The following ZNF99 variants were observed in gnomAD, a reference collection of about 807,000 sequenced individuals.
The protein encoded by ZNF99 is zinc finger protein ENSP00000375192.
In ZNF99, 8 loss-of-function variants were observed where a neutral mutation model predicts 12.8. The observed-to-expected ratio is 0.62, with a 90% CI of 0.37 to 1.13. The LOEUF (loss-of-function observed/expected upper bound fraction) is 1.13, where lower values mean the gene tolerates loss of function less well. Among genes scored for constraint, ZNF99 ranks in the 50% most tolerant of loss-of-function variants. The probability of loss-of-function intolerance (pLI) is 0.02; values close to 1 mark genes in which losing one functional copy is unlikely to be tolerated. For synonymous variants in ZNF99, 318 were observed against 319.0 expected (o/e 1.00, Z 0.03); for missense variants, 1,007 against 1,006.2 (o/e 1.00, Z -0.01).
At chr19:22,783,034 C>A (rs1973407468) in intron 1 of ZNF99, among the ~76,000 whole-genome samples, 2 of 152,058 alleles carry the variant, frequency 1.3e-5, no homozygotes, top group South Asian at 2.1e-4. Context: ...GATCCCAGCA[C>A]TCTGGGAGGC....
rs1189346887 is a variant in ZNF99 at position 22,759,566 on chromosome 19, T to C, written c.343A>G (p.Lys115Glu). 6.2e-7 allele frequency: 1 copy of C among 1,611,692 alleles called. No homozygotes were observed. The highest frequency in any genetic ancestry group is 1.1e-5 in the South Asian group (1 of 90,208). Residue 115 changes from lysine to glutamate, a missense_variant, in exon 4 of 4, where the codon AAA becomes GAA. By Grantham distance (56) the Lys-to-Glu change is moderately conservative. Coordinates refer to ENST00000596209, the MANE Select transcript of ZNF99 (RefSeq NM_001080409.3). ...RCGHKNLRLR[K>E]DCESVNEGKM... ...CCCTCATTGACACTTTCACAATCTT[T>C]TCTTAATCGTAAATTCTTATGTCCA...
chr19:22,757,783 T>A lies in ZNF99; in HGVS notation c.2126A>T (p.Glu709Val), dbSNP rs1431940325. Reference protein sequence around the residue: ...HTGKKPYKCEECGKAFSQSST... With the variant: ...HTGKKPYKCEVCGKAFSQSST... ...GGACTGGCTAAAAGCTTTGCCACATTCTTCACATTTGTAGGGTTTCTTTCC... is the reference window on the plus strand; with the variant it reads ...GGACTGGCTAAAAGCTTTGCCACATACTTCACATTTGTAGGGTTTCTTTCC... Residue 709 changes from glutamate to valine, a missense_variant, in exon 4 of 4, where the codon GAA (glutamate) becomes GTA (valine). By Grantham distance (121) the Glu-to-Val change is moderately radical. Transcript: ENST00000596209. 6.2e-7 allele frequency: 1 copy of A among 1,613,094 alleles called. No homozygotes were observed. The highest frequency in any genetic ancestry group is 1.3e-5 in the African/African-American group (1 of 74,804).
chr19:22,778,797 G>C (rs2145160183), intron 1 of ZNF99, among the ~76,000 whole-genome samples: 1 of 152,206 alleles, frequency 6.6e-6, no homozygotes, highest in Non-Finnish European at 1.5e-5. Context: ...CTGAGGTTGT[G>C]AGTTCAAGAC....
At chr19:22,764,075 AT>A (rs1219669338) in intron 3 of ZNF99, among the ~76,000 whole-genome samples, 2 of 151,384 alleles carry the variant, frequency 1.3e-5, no homozygotes, top group African/African-American at 2.4e-5. Flanking sequence ...CACCTGGCTA[AT>A]TTTTGTATTT....
In ZNF99 at chr19:22,755,082, A is replaced by AAG. The variant is rs538225855; in HGVS notation, c.*2231_*2232insCT. ...GGGCGAAACTCTGTTTCAAAAAAAA[A>AAG]AAAAAAAAAATTGAAGAATGCTTAT... On this transcript the variant is annotated 3_prime_UTR_variant, in exon 4 of 4. Coordinates refer to ENST00000596209, the MANE Select transcript of ZNF99 (RefSeq NM_001080409.3). 1 of 122,470 alleles carries AAG rather than the reference A, an allele frequency of 8.2e-6. No homozygotes were observed. The highest frequency in any genetic ancestry group is 1.8e-5 in the Non-Finnish European group (1 of 55,588). The allele number at this position is 122,470 out of a possible 1,614,324, so 7.6% of individuals were successfully genotyped here.
chr19:22,756,355 G>T lies in ZNF99; in HGVS notation c.*959C>A. The T allele has an allele frequency of 6.3e-7, 1 of 1,596,872 alleles. No homozygotes were observed. The highest frequency in any genetic ancestry group is 1.7e-5 in the Admixed American group (1 of 59,406). ...GGTGTGAGGACTGGTTAAAGGCTTT[G>T]CCACATTCTTCACATTTGTAGGGTT... On this transcript the variant is annotated 3_prime_UTR_variant, in exon 4 of 4. Coordinates refer to ENST00000596209, the MANE Select transcript of ZNF99 (RefSeq NM_001080409.3).
At chr19:22,779,263 T>C (rs959532941) in intron 1 of ZNF99, among the ~76,000 whole-genome samples, 2 of 151,954 alleles carry the variant, frequency 1.3e-5, no homozygotes, top group Non-Finnish European at 2.9e-5. Flanking sequence ...CGGTAGCTCA[T>C]GCGTGTAATC....
chr19:22,761,202 C>T (rs1277979319), intron 3 of ZNF99, among the ~76,000 whole-genome samples: 1 of 151,926 alleles, frequency 6.6e-6, no homozygotes, highest in Non-Finnish European at 1.5e-5. Flanking sequence ...CATAGGAACA[C>T]AGACCACTAT....
chr19:22,773,517 T>G (rs1187208074), intron 1 of ZNF99, among the ~76,000 whole-genome samples: 1 of 152,244 alleles, frequency 6.6e-6, no homozygotes, highest in Non-Finnish European at 1.5e-5. Context: ...AGGCTAGCCA[T>G]GTAGGCTAAT....
At chr19:22,780,754 C>T (rs1973378682) in intron 1 of ZNF99, among the ~76,000 whole-genome samples, 1 of 150,282 alleles carries the variant, frequency 6.7e-6, no homozygotes. Context: ...CTAGAAGGTA[C>T]AAAGTTTCAG....
chr19:22,765,351 C>T (rs1389408490), intron 3 of ZNF99, among the ~76,000 whole-genome samples: 11 of 151,718 alleles, frequency 7.3e-5, no homozygotes, highest in Non-Finnish European at 1.3e-4. Context: ...GGGAGGAAAA[C>T]GAGGGATAAA....
intron 1 of ZNF99, among the ~76,000 whole-genome samples, chr19:22,771,463 G>C (rs1445356235): frequency 6.6e-6 from 1 of 151,394 alleles, no homozygotes; most frequent in Non-Finnish European, 1.5e-5. Flanking sequence ...CACCGTGTTA[G>C]CCAGGATGGT....
intron 1 of ZNF99, chr19:22,769,954 CT>C (rs1377120258): frequency 7.3e-7 from 1 of 1,361,476 alleles, no homozygotes; most frequent in African/African-American, 1.5e-5. Flanking sequence ...CAGAATAAGT[CT>C]TGTACATTTT....
rs771026461 is a variant in ZNF99 at position 22,756,080 on chromosome 19, C to A, written c.*1234G>T. 2.9e-6 allele frequency: 4 copies of A among 1,361,052 alleles called. No homozygotes were observed. The highest frequency in any genetic ancestry group is 1.5e-5 in the African/African-American group (1 of 67,424). 84.3% of individuals were successfully genotyped at this position (1,361,052 alleles called of 1,614,324 possible). Reference sequence around the variant, plus strand: ...ATGAATTGTTTTCTGCCTATTAAGGCTTGAGGACTGGTTAAAAGCTTTGCC... The same window carrying A: ...ATGAATTGTTTTCTGCCTATTAAGGATTGAGGACTGGTTAAAAGCTTTGCC... On this transcript the variant is annotated 3_prime_UTR_variant, in exon 4 of 4. Coordinates refer to ENST00000596209, the MANE Select transcript of ZNF99 (RefSeq NM_001080409.3).
Position 22,754,529 on chromosome 19 carries a change from T to A in ZNF99, c.*2785A>T, listed in dbSNP as rs749626674. 1.1e-4 allele frequency: 47 copies of A among 429,390 alleles called. No individual in the cohort carries two copies. Among genetic ancestry groups the A allele is most frequent in the Non-Finnish European group, 3.2e-5 (7 of 218,516 alleles). The allele number at this position is 429,390 out of a possible 1,614,324, so 26.6% of individuals were successfully genotyped here. ...TGTATGAATTCTCTTATATTTAGTA[T>A]GAGTTGAAGACCAGTTAAAGACTTT... On this transcript the variant is annotated 3_prime_UTR_variant, in exon 4 of 4. Coordinates refer to ENST00000596209, the MANE Select transcript of ZNF99 (RefSeq NM_001080409.3).
chr19:22,781,962 A>C (rs757295642), intron 1 of ZNF99, among the ~76,000 whole-genome samples: 1 of 152,164 alleles, frequency 6.6e-6, no homozygotes, highest in Non-Finnish European at 1.5e-5. Flanking sequence ...GAAAAAAAAA[A>C]AGCGGCACAA....
intron 3 of ZNF99, among the ~76,000 whole-genome samples, chr19:22,761,529 A>G (rs568646299): frequency 1.3e-5 from 2 of 152,334 alleles, no homozygotes; most frequent in East Asian, 3.9e-4. Context: ...ATAGACACCA[A>G]CACAATAATA....
At chr19:22,768,506 C>G (rs1417212647) in intron 2 of ZNF99, 106 bp from the exon 3 acceptor site, 4 of 870,248 alleles carry the variant, frequency 4.6e-6, no homozygotes, top group Admixed American at 3.5e-5. Context: ...TCCCTCAATA[C>G]TAATTTATAA....
In ZNF99 at chr19:22,756,128, C is replaced by A; in HGVS notation, c.*1186G>T. ...GCCACATTCTTCACATATGGAGGGT[C>A]TGTCTCTAGTATAAATTATCTTATG... On this transcript the variant is annotated 3_prime_UTR_variant, in exon 4 of 4. Transcript: ENST00000596209. 6 of 1,400,998 alleles carry A rather than the reference C, an allele frequency of 4.3e-6. No homozygotes were observed. Among genetic ancestry groups the A allele is most frequent in the Non-Finnish European group, 2.9e-6 (3 of 1,049,178 alleles). The allele number at this position is 1,400,998 out of a possible 1,614,324, so 86.8% of individuals were successfully genotyped here.
Sources: allele counts gnomAD v4.1 joint callset (sites outside exome capture counted in the v4.1 genomes callset), GRCh38; gene constraint gnomAD v4.1.1; transcripts MANE v1.5; gene names NCBI Gene and HGNC (gene_info 2026-07-23, HGNC 2026-07-21).